UNC13C: variants seen among roughly 807,000 people sequenced by gnomAD.
UNC13C encodes the protein unc-13 homolog C.
Under a neutral mutation model 245.4 loss-of-function variants are expected in UNC13C, and 174 were observed. The observed-to-expected ratio is 0.71, with a 90% CI of 0.63 to 0.80. The LOEUF (loss-of-function observed/expected upper bound fraction) is 0.80, where lower values mean the gene tolerates loss of function less well. Among genes scored for constraint, UNC13C ranks in the 30% least tolerant of loss-of-function variants. UNC13C has a pLI of 0.00. For missense variants in UNC13C, 2,829 were observed against 2,602.9 expected, an observed-to-expected ratio of 1.09 and a Z score of -1.89; for synonymous variants, 992 against 895.1, an observed-to-expected ratio of 1.11 and a Z score of -1.93.
intron 2 of UNC13C, among the ~76,000 whole-genome samples, chr15:54,130,684 C>T (rs1414761972): frequency 6.6e-6 from 1 of 152,140 alleles, no homozygotes; most frequent in African/African-American, 2.4e-5. Flanking sequence ...TTGGTATAGG[C>T]TTAAGATTCC....
chr15:54,539,054 G>T (rs576398273), intron 26 of UNC13C, among the ~76,000 whole-genome samples: 1 of 152,110 alleles, frequency 6.6e-6, no homozygotes, highest in African/African-American at 2.4e-5. Context: ...AACTTATTTA[G>T]TGCATTTCTT....
chr15:54,546,777 G>A lies in UNC13C; in HGVS notation c.5752G>A (p.Glu1918Lys). 6.4e-7 allele frequency: 1 copy of A among 1,560,942 alleles called. No individual in the cohort carries two copies. Among genetic ancestry groups the A allele is most frequent in the Non-Finnish European group, 8.7e-7 (1 of 1,151,440 alleles). Residue 1918 changes from glutamate (E) to lysine (K), a missense_variant, in exon 27 of 33, where the codon GAG becomes AAG. Transcript: ENST00000260323. The stretch of plus-strand genomic sequence containing the variant: ...AACAGTCCTAAAGCGAGTTTTAAAA[G>A]AGTTATGGAAGCTAGTTCTCAACAA... ...EKTVLKRVLK[E>K]LWKLVLNKIE...
At chr15:53,928,844 C>T in the UNC13C span, among the ~76,000 whole-genome samples, 1 of 152,244 alleles carries the variant, frequency 6.6e-6, no homozygotes, top group East Asian at 1.9e-4. Flanking sequence ...AGTGGAATAA[C>T]CAACAATTTC....
chr15:53,999,705 CT>C (rs1894797078), intron 1 of UNC13C, among the ~76,000 whole-genome samples: 1 of 151,760 alleles, frequency 6.6e-6, no homozygotes, highest in Non-Finnish European at 1.5e-5. Flanking sequence ...TAAGCACTGC[CT>C]TTAGCTGTGT....
intron 2 of UNC13C, among the ~76,000 whole-genome samples, chr15:54,065,280 C>T (rs1418904658): frequency 6.6e-6 from 1 of 152,188 alleles, no homozygotes; most frequent in Non-Finnish European, 1.5e-5. Flanking sequence ...CTATTGTTTC[C>T]TTTGAGTTGC....
In UNC13C at chr15:54,332,120, A is replaced by G. The variant is rs183355107; in HGVS notation, c.4494+9A>G. On this transcript the variant is annotated intron_variant, in intron 15 of 32. Transcript: ENST00000260323. ...ATCTGTCAAAGTATAGGGTATGTAC[A>G]AATTTACTTGCCTAAAAGAAAACTG... 66 of 1,532,990 alleles carry G rather than the reference A, an allele frequency of 4.3e-5. No homozygotes were observed. Among genetic ancestry groups the G allele is most frequent in the African/African-American group, 3.9e-4 (28 of 72,618 alleles). The allele number at this position is 1,532,990 out of a possible 1,614,324, so 95.0% of individuals were successfully genotyped here.
At chr15:54,174,418 G>A (rs907894799) in intron 4 of UNC13C, among the ~76,000 whole-genome samples, 1 of 152,158 alleles carries the variant, frequency 6.6e-6, no homozygotes, top group South Asian at 2.1e-4. Context: ...TTTGTGGAGA[G>A]ATTTTTCATA....
At chr15:54,437,515 T>C (rs1430803078) in intron 19 of UNC13C, among the ~76,000 whole-genome samples, 1 of 151,946 alleles carries the variant, frequency 6.6e-6, no homozygotes, top group Non-Finnish European at 1.5e-5. Flanking sequence ...AGTTTGTTTA[T>C]TTTTGAGGTT....
At chr15:54,120,684 G>A (rs1192065273) in intron 2 of UNC13C, among the ~76,000 whole-genome samples, 1 of 151,978 alleles carries the variant, frequency 6.6e-6, no homozygotes, top group East Asian at 1.9e-4. Context: ...GAAAGGATTC[G>A]CCATTCTAGA....
At chr15:54,397,396 A>C (rs2040093028) in intron 18 of UNC13C, among the ~76,000 whole-genome samples, 1 of 151,504 alleles carries the variant, frequency 6.6e-6, no homozygotes, top group African/African-American at 2.4e-5. Context: ...TATAGCCGTA[A>C]TTACACCAGT....
the UNC13C span, among the ~76,000 whole-genome samples, chr15:53,904,002 T>G: frequency 6.6e-6 from 1 of 152,178 alleles, no homozygotes; most frequent in Admixed American, 6.6e-5. Context: ...GTCAAAAAAC[T>G]TGAACTTCAG....
chr15:54,225,489 G>T (rs772458008), intron 4 of UNC13C, among the ~76,000 whole-genome samples: 1 of 152,174 alleles, frequency 6.6e-6, no homozygotes, highest in Non-Finnish European at 1.5e-5. Flanking sequence ...ATTTCCTTGA[G>T]TGGTGGTTTG....
chr15:54,192,842 A>T (rs921132332), intron 4 of UNC13C, among the ~76,000 whole-genome samples: 1 of 151,954 alleles, frequency 6.6e-6, no homozygotes, highest in African/African-American at 2.4e-5. Flanking sequence ...TTTATCTAAG[A>T]CAAGTTTGGT....
chr15:54,470,157 T>C (rs1350237719), intron 19 of UNC13C, among the ~76,000 whole-genome samples: 1 of 151,650 alleles, frequency 6.6e-6, no homozygotes. Flanking sequence ...GAATATAGTT[T>C]GCTAATAATT....
intron 1 of UNC13C, among the ~76,000 whole-genome samples, chr15:53,992,050 A>T (rs1894416214): frequency 6.6e-6 from 1 of 152,026 alleles, no homozygotes; most frequent in Non-Finnish European, 1.5e-5. Flanking sequence ...CGTTTTCCAT[A>T]CTATTTCTTA....
chr15:54,582,955 C>G (rs1281726170), intron 30 of UNC13C, among the ~76,000 whole-genome samples: 1 of 152,080 alleles, frequency 6.6e-6, no homozygotes, highest in Non-Finnish European at 1.5e-5. Context: ...GGTAAACTGA[C>G]AGTTCTCTAA....
chr15:54,204,917 A>G lies in UNC13C; in HGVS notation c.3072-30113A>G, dbSNP rs2034659486. On this transcript the variant is annotated intron_variant, in intron 4 of 32. Coordinates refer to ENST00000260323, the MANE Select transcript of UNC13C (RefSeq NM_001080534.3). Reference sequence around the variant, plus strand: ...GCATATGTGACCTACATCATTACATATAAGTCATTTAATCATAAAACAGTT... The same window carrying G: ...GCATATGTGACCTACATCATTACATGTAAGTCATTTAATCATAAAACAGTT... Among the ~76,000 whole-genome samples the G allele has an allele frequency of 3.3e-5, 5 of 152,060 alleles. No homozygotes were observed. The South Asian group carries it at 8.3e-4, about 25-fold the overall frequency.
At position 54,515,658 on chromosome 15, in the gene UNC13C, G is replaced by T. The variant is rs1596500883; in HGVS notation, c.5457+3828G>T. Among the ~76,000 whole-genome samples, 3 of 152,114 alleles carry T rather than the reference G, an allele frequency of 2.0e-5. No individual in the cohort carries two copies. In the East Asian group the frequency reaches 5.8e-4, roughly 29 times the overall value. On this transcript the variant is annotated intron_variant, in intron 24 of 32. Transcript: ENST00000260323. ...CATTAATCCTTCACAATATTTTATTGGTGCAATCGTTTTAAATGGTAGAAT... is the reference window on the plus strand; with the variant it reads ...CATTAATCCTTCACAATATTTTATTTGTGCAATCGTTTTAAATGGTAGAAT...
chr15:54,086,386 T>G (rs1899239866), intron 2 of UNC13C, among the ~76,000 whole-genome samples: 1 of 152,182 alleles, frequency 6.6e-6, no homozygotes, highest in South Asian at 2.1e-4. Flanking sequence ...ATTTCTAAGA[T>G]CTCAGAAATT....
Sources: allele counts gnomAD v4.1 joint callset (sites outside exome capture counted in the v4.1 genomes callset), GRCh38; gene constraint gnomAD v4.1.1; transcripts MANE v1.5; gene names NCBI Gene and HGNC (gene_info 2026-07-23, HGNC 2026-07-21).